The following IL1RAPL1 variants were observed in gnomAD, a reference collection of about 807,000 sequenced individuals.
IL1RAPL1 encodes interleukin 1 receptor accessory protein like 1.
Under a neutral mutation model 48.4 loss-of-function variants are expected in IL1RAPL1, and 3 were observed. The ratio of observed to expected loss-of-function variants is 0.06; its 90% confidence interval spans 0.03 to 0.16. The LOEUF is 0.16. IL1RAPL1 is among the 10% of genes least tolerant of loss of function. The pLI is 1.00. For missense variants in IL1RAPL1, 349 were observed against 530.6 expected (o/e 0.66, Z 3.36); for synonymous variants, 185 against 187.7 (o/e 0.99, Z 0.12).
At chrX:28,615,199 G>GTTTTTTTTTTTTTTTTT (rs778402885) in intron 1 of IL1RAPL1, among the ~76,000 whole-genome samples, 2 of 26,062 alleles carry the variant, frequency 7.7e-5, no homozygotes, top group African/African-American at 1.4e-4. Context: ...ACTGTTGTCT[G>GTTTTTTTTTTTTTTTTT]TTTTTTTTTT....
intron 6 of IL1RAPL1, among the ~76,000 whole-genome samples, chrX:29,758,861 T>TTAC (rs1928685713): frequency 9.0e-6 from 1 of 111,226 alleles, no homozygotes; most frequent in Non-Finnish European, 1.9e-5. Flanking sequence ...GTAGTTACTG[T>TTAC]TGGTTATTAT....
At chrX:29,398,037 A>G (rs1158347334) in intron 4 of IL1RAPL1, among the ~76,000 whole-genome samples, 1 of 111,969 alleles carries the variant, frequency 8.9e-6, no homozygotes, top group Non-Finnish European at 1.9e-5. Flanking sequence ...TTTAAAAGTC[A>G]TAACATTTCA....
At chrX:29,133,681 A>G (rs1929069026) in intron 2 of IL1RAPL1, among the ~76,000 whole-genome samples, 1 of 111,785 alleles carries the variant, frequency 8.9e-6, no homozygotes, top group African/African-American at 3.3e-5. Context: ...ATATATTGAC[A>G]TATTATTGTT....
intron 1 of IL1RAPL1, among the ~76,000 whole-genome samples, chrX:28,599,500 C>T (rs1281747085): frequency 9.0e-6 from 1 of 111,594 alleles, no homozygotes; most frequent in African/African-American, 3.3e-5. Context: ...CCTCACACTG[C>T]CACTGTCTCA....
chrX:29,699,326 T>G (rs754350824), intron 6 of IL1RAPL1, among the ~76,000 whole-genome samples: 2 of 112,626 alleles, frequency 1.8e-5, no homozygotes, highest in Non-Finnish European at 3.8e-5. Context: ...ATTGGAATAG[T>G]TGCCTTAATG....
rs111394018 is a variant in IL1RAPL1 at position 29,678,524 on chromosome X, T to TTGTG, written c.778+10038_778+10041dup. Among the ~76,000 whole-genome samples the TTGTG allele has an allele frequency of 2.2e-4, 22 of 101,054 alleles. No individual in the cohort carries two copies. The East Asian group carries it at 5.4e-3, about 25-fold the overall frequency. The allele number at this position is 101,054 out of a possible 115,157, so 87.8% of individuals were successfully genotyped here. Reference sequence around the variant, plus strand: ...CACCCGCCACCACGCCTGGCTAATTTTGTGTGTGTGTGTGTGTGTGTTTTT... The same window carrying TTGTG: ...CACCCGCCACCACGCCTGGCTAATTTTGTGTGTGTGTGTGTGTGTGTGTGTTTTT... On this transcript the variant is annotated intron_variant, in intron 6 of 10. Transcript: ENST00000378993.
intron 5 of IL1RAPL1, among the ~76,000 whole-genome samples, chrX:29,480,323 C>A (rs1355563517): frequency 7.2e-5 from 4 of 55,432 alleles, no homozygotes; most frequent in Admixed American, 4.6e-4. Context: ...TATATGCATA[C>A]CTTTGAATGG....
intron 7 of IL1RAPL1, among the ~76,000 whole-genome samples, chrX:29,917,890 G>A (rs1363111806): frequency 9.3e-6 from 1 of 107,133 alleles, no homozygotes; most frequent in Non-Finnish European, 1.9e-5. Context: ...TGGGAGGTCA[G>A]ATTGGGCGGA....
intron 1 of IL1RAPL1, among the ~76,000 whole-genome samples, chrX:28,590,517 A>C (rs1462103705): frequency 9.0e-6 from 1 of 111,232 alleles, no homozygotes; most frequent in Non-Finnish European, 1.9e-5. Flanking sequence ...TCTGCAGGAC[A>C]TGCACAAACA....
intron 5 of IL1RAPL1, among the ~76,000 whole-genome samples, chrX:29,568,931 T>C (rs1922500933): frequency 9.0e-6 from 1 of 111,431 alleles, no homozygotes; most frequent in Admixed American, 9.6e-5. Flanking sequence ...GTTGTAGTCC[T>C]TTAGAATGTC....
intron 2 of IL1RAPL1, among the ~76,000 whole-genome samples, chrX:28,986,577 T>C (rs1925478941): frequency 8.9e-6 from 1 of 112,233 alleles, no homozygotes; most frequent in African/African-American, 3.2e-5. Flanking sequence ...ATCACAAAAG[T>C]GGGTTCTTCC....
intron 2 of IL1RAPL1, among the ~76,000 whole-genome samples, chrX:29,049,562 A>G (rs1927048377): frequency 9.0e-6 from 1 of 111,597 alleles, no homozygotes; most frequent in South Asian, 3.8e-4. Flanking sequence ...GCAATTGCAG[A>G]AAACAAACTG....
At chrX:29,565,477 AC>A (rs1388275403) in intron 5 of IL1RAPL1, among the ~76,000 whole-genome samples, 1 of 112,113 alleles carries the variant, frequency 8.9e-6, no homozygotes, top group African/African-American at 3.2e-5. Context: ...TGAACAAATG[AC>A]CTAATAGAAA....
chrX:29,837,300 T>TACAC (rs144007476), intron 6 of IL1RAPL1, among the ~76,000 whole-genome samples: 2 of 55,635 alleles, frequency 3.6e-5, no homozygotes, highest in South Asian at 1.8e-3. Context: ...TATATATATA[T>TACAC]ACACACACAC....
rs773771051 is a variant in IL1RAPL1, at chrX:28,866,499, G to A, written c.82+77074G>A. Among the ~76,000 whole-genome samples, 4 of 107,268 alleles carry A rather than the reference G, an allele frequency of 3.7e-5. No homozygotes were observed. The East Asian group carries it at 1.2e-3, about 32-fold the overall frequency. The allele number at this position is 107,268 out of a possible 115,157, so 93.1% of individuals were successfully genotyped here. A position where few individuals can be genotyped will look rare whatever the true frequency, so the allele number is the denominator to read the frequency against. On this transcript the variant is annotated intron_variant, in intron 2 of 10. Transcript: ENST00000378993. ...TAAAGAAGTTACTCTGTAACCAAAT[G>A]CCACTTGTTCCCCCCAAAAACTATG...
chrX:29,292,445 G>A (rs1434778874), intron 3 of IL1RAPL1, among the ~76,000 whole-genome samples: 1 of 111,428 alleles, frequency 9.0e-6, no homozygotes, highest in Non-Finnish European at 1.9e-5. Context: ...TATAACTGTA[G>A]TATAAACAAT....
intron 2 of IL1RAPL1, among the ~76,000 whole-genome samples, chrX:29,002,779 A>T (rs751970835): frequency 8.9e-6 from 1 of 111,929 alleles, no homozygotes; most frequent in Non-Finnish European, 1.9e-5. Context: ...TACCAAAAAT[A>T]TCATAGTGAT....
chrX:28,945,363 A>G (rs1314972878), intron 2 of IL1RAPL1, among the ~76,000 whole-genome samples: 2 of 111,650 alleles, frequency 1.8e-5, no homozygotes, highest in Admixed American at 9.6e-5. Context: ...ATGCCCATCA[A>G]TGATAGACTG....
chrX:29,138,601 C>T (rs767562128), intron 2 of IL1RAPL1, among the ~76,000 whole-genome samples: 3 of 82,692 alleles, frequency 3.6e-5, no homozygotes, highest in African/African-American at 1.3e-4. Flanking sequence ...AACCCCATCT[C>T]TACTAAAAAT....
Sources: allele counts gnomAD v4.1 joint callset (sites outside exome capture counted in the v4.1 genomes callset), GRCh38; gene constraint gnomAD v4.1.1; transcripts MANE v1.5; gene names NCBI Gene and HGNC (gene_info 2026-07-23, HGNC 2026-07-21).